VAV3: variants seen among roughly 807,000 people sequenced by gnomAD.
VAV3 encodes the protein vav guanine nucleotide exchange factor 3.
Under a neutral mutation model 131.2 loss-of-function variants are expected in VAV3, and 94 were observed. The observed-to-expected ratio is 0.72, with a 90% CI of 0.61 to 0.85. The LOEUF (loss-of-function observed/expected upper bound fraction) is 0.85, where lower values mean the gene tolerates loss of function less well. VAV3 is among the 40% of genes least tolerant of loss of function. VAV3 has a pLI of 0.00. For missense variants in VAV3, 939 were observed against 1,002.7 expected, an observed-to-expected ratio of 0.94 and a Z score of 0.86; for synonymous variants, 349 against 342.0, an observed-to-expected ratio of 1.02 and a Z score of -0.22.
chr1:107,576,376 AG>A, intron 25 of VAV3: 1 of 1,489,088 alleles, frequency 6.7e-7, no homozygotes, highest in Middle Eastern at 1.7e-4. Flanking sequence ...GACAAATAAA[AG>A]TAGTAAAGCA....
intron 1 of VAV3, among the ~76,000 whole-genome samples, chr1:107,889,132 A>AGTGTATGT: frequency 7.0e-6 from 1 of 142,038 alleles, no homozygotes; most frequent in South Asian, 2.3e-4. Flanking sequence ...TCCTGTGTAG[A>AGTGTATGT]GTGTGTGTGT....
At chr1:107,635,359 T>C (rs1371175141) in intron 20 of VAV3, among the ~76,000 whole-genome samples, 3 of 150,760 alleles carry the variant, frequency 2.0e-5, no homozygotes, top group Non-Finnish European at 2.9e-5. Context: ...TCTCAGCAAA[T>C]TATCGCAAGG....
chr1:107,713,136 C>T lies in VAV3; in HGVS notation c.1503-8075G>A, dbSNP rs148600119. On this transcript the variant is annotated intron_variant, in intron 15 of 26. Transcript: ENST00000370056. ...TATGATGTGCCATGAATACAGCCAA[C>T]GATAAGGAATAAAATCGACAAAATT... 2.0e-3 allele frequency among the ~76,000 whole-genome samples: 304 copies of T among 152,006 alleles called. 2 individuals carry two copies. The highest frequency in any genetic ancestry group is 5.9e-4 in the Admixed American group (9 of 15,278).
chr1:107,656,396 T>C (rs1020623750), intron 19 of VAV3, among the ~76,000 whole-genome samples: 5 of 152,102 alleles, frequency 3.3e-5, no homozygotes, highest in Admixed American at 1.3e-4. Flanking sequence ...CTCCCTCCTA[T>C]GTGAGAGCTA....
intron 1 of VAV3, among the ~76,000 whole-genome samples, chr1:107,913,869 C>T (rs1672487009): frequency 6.6e-6 from 1 of 152,126 alleles, no homozygotes; most frequent in Non-Finnish European, 1.5e-5. Context: ...GATCTCAGCT[C>T]ACTGCAACCA....
chr1:107,808,490 G>C (rs528685089), intron 2 of VAV3, among the ~76,000 whole-genome samples: 9 of 152,116 alleles, frequency 5.9e-5, no homozygotes, highest in Admixed American at 5.9e-4. Flanking sequence ...TAGAAAAAAG[G>C]AAATTTTATA....
intron 19 of VAV3, among the ~76,000 whole-genome samples, chr1:107,658,705 A>G (rs1231886364): frequency 1.3e-5 from 2 of 152,114 alleles, no homozygotes; most frequent in East Asian, 1.9e-4. Flanking sequence ...GCCAGTGATG[A>G]TGAGCATTTT....
chr1:107,766,366 A>G (rs1172554966), intron 8 of VAV3, 81 bp downstream of exon 8: 11 of 879,480 alleles, frequency 1.3e-5, no homozygotes, highest in Non-Finnish European at 1.8e-5. Flanking sequence ...CAGCAGTAAT[A>G]GCTATTTGTT....
At chr1:107,773,268 TGA>T (rs1405221143) in intron 4 of VAV3, among the ~76,000 whole-genome samples, 1 of 152,254 alleles carries the variant, frequency 6.6e-6, no homozygotes, top group Non-Finnish European at 1.5e-5. Flanking sequence ...GTCTTAACGC[TGA>T]GTGTTTTACC....
intron 15 of VAV3, among the ~76,000 whole-genome samples, chr1:107,732,279 C>T (rs959340641): frequency 1.3e-5 from 2 of 152,220 alleles, no homozygotes; most frequent in African/African-American, 4.8e-5. Context: ...CTCCGGTCTG[C>T]AGCTCCCAGC....
intron 1 of VAV3, among the ~76,000 whole-genome samples, chr1:107,921,425 C>A (rs1431313446): frequency 6.6e-6 from 1 of 152,142 alleles, no homozygotes; most frequent in East Asian, 1.9e-4. Context: ...GCTATTTTTC[C>A]CCCTCTAAAT....
chr1:107,951,485 A>G (rs1472227047), intron 1 of VAV3, among the ~76,000 whole-genome samples: 2 of 152,202 alleles, frequency 1.3e-5, no homozygotes, highest in Non-Finnish European at 2.9e-5. Flanking sequence ...GATCTAATTA[A>G]CTAAAGAGCT....
rs188688544 is a variant in VAV3 at position 107,708,958 on chromosome 1, C to A, written c.1503-3897G>T. Among the ~76,000 whole-genome samples the A allele has an allele frequency of 1.1e-3, 161 of 151,672 alleles. 1 individual carries two copies. In the East Asian group the frequency reaches 0.023, roughly 22 times the overall value. On this transcript the variant is annotated intron_variant, in intron 15 of 26. Coordinates refer to ENST00000370056, the MANE Select transcript of VAV3 (RefSeq NM_006113.5). ...CGCACACCCACACACACATACCCCC[C>A]CACACACCCTATCCTATTGGTTTTG...
chr1:107,764,959 T>G lies in VAV3; in HGVS notation c.921+117A>C, dbSNP rs55824908. On this transcript the variant is annotated intron_variant, in intron 9 of 26. Transcript: ENST00000370056. ...GAGCTGTTTAAATATTTTATAAAAT[T>G]GACATGAAATTATATTTAAAATAAT... 199 of 645,964 alleles carry G rather than the reference T, an allele frequency of 3.1e-4. 1 individual carries two copies. The East Asian group carries it at 5.2e-3, about 17-fold the overall frequency. The allele number at this position is 645,964 out of a possible 1,614,324, so 40.0% of individuals were successfully genotyped here. A position where few individuals can be genotyped will look rare whatever the true frequency, so the allele number is the denominator to read the frequency against.
intron 25 of VAV3, among the ~76,000 whole-genome samples, chr1:107,595,576 T>A (rs1651311798): frequency 6.6e-6 from 1 of 152,152 alleles, no homozygotes; most frequent in African/African-American, 2.4e-5. Flanking sequence ...ACATGCTCTA[T>A]CTCCAGGAAG....
chr1:107,633,491 A>G (rs1225173106), intron 20 of VAV3, among the ~76,000 whole-genome samples: 1 of 152,200 alleles, frequency 6.6e-6, no homozygotes, highest in Admixed American at 6.5e-5. Context: ...CCCTTGGAAC[A>G]GCTCACAAAA....
At position 107,766,510 on chromosome 1, in the gene VAV3, T is replaced by C. The variant is rs758670130; in HGVS notation, c.758A>G (p.His253Arg). The C allele has an allele frequency of 2.4e-5, 39 of 1,613,502 alleles. No individual in the cohort carries two copies. The highest frequency in any genetic ancestry group is 3.1e-5 in the Non-Finnish European group (36 of 1,179,760). Residue 253 changes from histidine (H) to arginine (R), a missense_variant, in exon 8 of 27, where the codon CAT becomes CGT. Physicochemically the swap from His to Arg is conservative, Grantham distance 29. Transcript: ENST00000370056. Reference protein sequence around the residue: ...KLHRNLMQEIHDSIVNKNDQN... With the variant: ...KLHRNLMQEIRDSIVNKNDQN... ...GTCATTTTTATTTACAATGGAATCA[T>C]GAATCTCTTGCATTAGGTTCCGATG...
intron 2 of VAV3, among the ~76,000 whole-genome samples, chr1:107,809,220 C>T (rs12137930): frequency 1.5e-3 from 225 of 152,224 alleles, no homozygotes; most frequent in Middle Eastern, 6.8e-3. Context: ...TTTCCTTTGA[C>T]CACTGTCAGT....
chr1:107,578,299 T>C (rs1649793256), intron 25 of VAV3, among the ~76,000 whole-genome samples: 1 of 152,238 alleles, frequency 6.6e-6, no homozygotes, highest in South Asian at 2.1e-4. Flanking sequence ...CCATTGCACA[T>C]TCTGCAGTAC....
Sources: gnomAD v4.1 joint callset for allele counts (sites outside exome capture counted in the v4.1 genomes callset) on GRCh38, gnomAD v4.1.1 for gene constraint, MANE v1.5 for transcripts, NCBI Gene and HGNC (gene_info 2026-07-23, HGNC 2026-07-21) for gene names.